The following MROH9 variants were observed in gnomAD, a reference collection of about 807,000 sequenced individuals.
MROH9 encodes maestro heat like repeat family member 9.
In MROH9, 92 loss-of-function variants were observed where a neutral mutation model predicts 98.2. The ratio of observed to expected loss-of-function variants is 0.94; its 90% confidence interval spans 0.79 to 1.11. The LOEUF is 1.11. Ranked by LOEUF, MROH9 falls within the 50% of genes most tolerant of loss-of-function variation. The pLI is 0.00. For synonymous variants in MROH9, 397 were observed against 368.9 expected (o/e 1.08, Z -0.87); for missense variants, 1,057 against 1,014.8 (o/e 1.04, Z -0.57).
chr1:171,028,732 A>C (rs912543833), intron 20 of MROH9, among the ~76,000 whole-genome samples: 4 of 152,102 alleles, frequency 2.6e-5, no homozygotes, highest in African/African-American at 9.7e-5. Flanking sequence ...CTCCTTAAAG[A>C]GGTCCTTCAC....
At chr1:171,046,040 T>C (rs1653463893) in intron 20 of MROH9, among the ~76,000 whole-genome samples, 1 of 152,210 alleles carries the variant, frequency 6.6e-6, no homozygotes, top group Admixed American at 6.5e-5. Flanking sequence ...TTTATCATTA[T>C]ATAGTGACCT....
In MROH9 at chr1:170,989,870, G is replaced by C; in HGVS notation, c.895G>C (p.Asp299His). 1 of 1,603,488 alleles carries C rather than the reference G, an allele frequency of 6.2e-7. No homozygotes were observed. The highest frequency in any genetic ancestry group is 1.1e-5 in the South Asian group (1 of 90,136). The change falls in exon 11 of 22, where the codon GAT becomes CAT. Residue 299 changes from aspartate to histidine, a missense_variant. Asp to His is a moderately conservative substitution (Grantham distance 81). Coordinates refer to ENST00000367759, the MANE Select transcript of MROH9 (RefSeq NM_001163629.2). ...EKVTMVSKIV[D>H]AIYRQLCDNN... ...TCTCTTCCAGGTGTCTAAGATCGTG[G>C]ATGCTATTTACAGGCAACTGTGTGA...
At chr1:170,946,768 G>T (rs1649346083) in intron 2 of MROH9, among the ~76,000 whole-genome samples, 1 of 151,860 alleles carries the variant, frequency 6.6e-6, no homozygotes, top group South Asian at 2.1e-4. Context: ...CTCCAAGCAA[G>T]CAAAGGAAAA....
intron 15 of MROH9, among the ~76,000 whole-genome samples, chr1:171,010,447 T>A (rs1427157858): frequency 6.6e-6 from 1 of 152,178 alleles, no homozygotes; most frequent in Non-Finnish European, 1.5e-5. Flanking sequence ...TTTGGGTATA[T>A]ACCTAGTAAT....
At chr1:170,995,277 C>A in intron 12 of MROH9, 112 bp from the exon 13 acceptor site, 1 of 1,170,898 alleles carries the variant, frequency 8.5e-7, no homozygotes, top group Non-Finnish European at 1.2e-6. Context: ...AGGTTTTCTT[C>A]AAGGAGGCTG....
chr1:170,976,807 A>C (rs1482114618), intron 8 of MROH9, among the ~76,000 whole-genome samples: 1 of 152,166 alleles, frequency 6.6e-6, no homozygotes. Flanking sequence ...GTTTTCATGG[A>C]TGATATCCTG....
Position 170,983,435 on chromosome 1 carries a change from T to C in MROH9, c.630T>C (p.Asn210=). Residue 210 remains asparagine, a synonymous_variant, in exon 9 of 22, where the codon AAT becomes AAC. Transcript: ENST00000367759. ...IARCQNDIGT[N]KPTNGKSHSL... Reference sequence around the variant, plus strand: ...TTAACAAAGCAGATATTGGAACAAATAAGCCTACAAACGGTAAAAGTCATA... The same window carrying C: ...TTAACAAAGCAGATATTGGAACAAACAAGCCTACAAACGGTAAAAGTCATA... 1.2e-6 allele frequency: 2 copies of C among 1,609,260 alleles called. No homozygotes were observed. The highest frequency in any genetic ancestry group is 1.7e-6 in the Non-Finnish European group (2 of 1,176,630).
intron 2 of MROH9, 56 bp downstream of exon 2, chr1:170,945,637 T>C: frequency 6.9e-7 from 1 of 1,458,454 alleles, no homozygotes; most frequent in Non-Finnish European, 9.4e-7. Context: ...TATATGTGTG[T>C]GTATGAGTGA....
intron 20 of MROH9, among the ~76,000 whole-genome samples, chr1:171,059,550 A>G (rs1653950396): frequency 1.3e-5 from 2 of 152,204 alleles, no homozygotes; most frequent in Non-Finnish European, 2.9e-5. Context: ...TATATACCCA[A>G]AGGAATACAA....
chr1:170,992,370 T>C (rs1328772235), intron 12 of MROH9, 41 bp downstream of exon 12: 10 of 1,578,368 alleles, frequency 6.3e-6, no homozygotes, highest in Non-Finnish European at 8.6e-6. Context: ...CAGTACTGTT[T>C]TCCTGATTGT....
At chr1:170,969,654 C>G (rs1003091943) in intron 7 of MROH9, among the ~76,000 whole-genome samples, 1 of 152,080 alleles carries the variant, frequency 6.6e-6, no homozygotes, top group African/African-American at 2.4e-5. Context: ...GAACCTAGCA[C>G]TTAACACTAT....
At chr1:170,940,383 A>G (rs367694011) in intron 1 of MROH9, among the ~76,000 whole-genome samples, 3 of 152,194 alleles carry the variant, frequency 2.0e-5, no homozygotes, top group African/African-American at 4.8e-5. Context: ...CAATATAATG[A>G]ACCAGTGTAA....
chr1:170,951,514 G>C (rs1206493053), intron 3 of MROH9, among the ~76,000 whole-genome samples: 1 of 152,080 alleles, frequency 6.6e-6, no homozygotes, highest in Non-Finnish European at 1.5e-5. Flanking sequence ...GAGAGAAGGA[G>C]ATAATCAAAT....
chr1:171,052,072 T>C (rs1019156766), intron 20 of MROH9, among the ~76,000 whole-genome samples: 1 of 152,204 alleles, frequency 6.6e-6, no homozygotes, highest in African/African-American at 2.4e-5. Context: ...ATTTTACTAC[T>C]TATTGATCTG....
chr1:171,006,018 T>A (rs970065780), intron 15 of MROH9, among the ~76,000 whole-genome samples: 1 of 152,250 alleles, frequency 6.6e-6, no homozygotes, highest in African/African-American at 2.4e-5. Flanking sequence ...TCTTTCAAAG[T>A]GAGTTTTACA....
intron 15 of MROH9, among the ~76,000 whole-genome samples, chr1:171,013,275 T>A (rs188445602): frequency 1.6e-4 from 25 of 152,308 alleles, no homozygotes; most frequent in African/African-American, 5.8e-4. Flanking sequence ...GGAACAGGGC[T>A]GCACAGCGGG....
rs2101785510 is a variant in MROH9, at chr1:170,971,862, T to C, written c.595T>C (p.Tyr199His). ...ATCATTGGGAATGTGTCACCTCCTC[T>C]ACATTGCACGGTGTCAGAACGGTAA... ...QASLGMCHLLYIARCQNDIGT... is the reference protein window; with the variant it reads ...QASLGMCHLLHIARCQNDIGT... The change falls in exon 8 of 22, where the codon TAC becomes CAC. Residue 199 changes from tyrosine to histidine, a missense_variant. Tyr to His is a moderately conservative substitution (Grantham distance 83). Coordinates refer to ENST00000367759, the MANE Select transcript of MROH9 (RefSeq NM_001163629.2). 1 of 1,614,018 alleles carries C rather than the reference T, an allele frequency of 6.2e-7. No homozygotes were observed. The highest frequency in any genetic ancestry group is 2.2e-5 in the East Asian group (1 of 44,862).
chr1:170,951,942 T>C (rs1353500682), intron 3 of MROH9, among the ~76,000 whole-genome samples: 1 of 152,078 alleles, frequency 6.6e-6, no homozygotes, highest in African/African-American at 2.4e-5. Flanking sequence ...GGGTGAAGGA[T>C]ATGAACAGAC....
chr1:170,986,745 G>A, intron 10 of MROH9, 35 bp downstream of exon 10: 1 of 1,601,226 alleles, frequency 6.2e-7, no homozygotes, highest in South Asian at 1.1e-5. Flanking sequence ...AGAGCACAGG[G>A]TTTACTCTCT....
Sources: allele counts gnomAD v4.1 joint callset (sites outside exome capture counted in the v4.1 genomes callset), GRCh38; gene constraint gnomAD v4.1.1; transcripts MANE v1.5; gene names NCBI Gene and HGNC (gene_info 2026-07-23, HGNC 2026-07-21).